Variants in AREL1 observed in about 807,000 individuals in gnomAD.
The protein encoded by AREL1 is apoptosis-resistant E3 ubiquitin protein ligase 1.
A neutral mutation model predicts 99.0 loss-of-function variants in AREL1; 62 were observed. The ratio of observed to expected loss-of-function variants is 0.63; its 90% CI spans 0.51 to 0.77. The LOEUF (loss-of-function observed/expected upper bound fraction) is 0.77, where lower values mean the gene tolerates loss of function less well. Among genes scored for constraint, AREL1 ranks in the 30% least tolerant of loss-of-function variants. The probability of loss-of-function intolerance (pLI) is 0.00; values close to 1 mark genes in which losing one functional copy is unlikely to be tolerated. For missense variants in AREL1, 879 were observed against 1,027.6 expected (o/e 0.86, Z 1.98); for synonymous variants, 380 against 376.5 (o/e 1.01, Z -0.11).
chr14:74,683,122 G>A (rs764434381), intron 5 of AREL1, among the ~76,000 whole-genome samples, 174 bp downstream of exon 5: 1 of 152,054 alleles, frequency 6.6e-6, no homozygotes, highest in Non-Finnish European at 1.5e-5. Flanking sequence ...CTCTAAAATC[G>A]ACTGTGATGA....
intron 3 of AREL1, among the ~76,000 whole-genome samples, chr14:74,684,991 G>A (rs2089717382): frequency 1.3e-5 from 2 of 152,210 alleles, no homozygotes; most frequent in Non-Finnish European, 2.9e-5. Flanking sequence ...TGGCAGAGTT[G>A]AGTCATTGAA....
chr14:74,705,227 C>CG (rs1039780610), intron 1 of AREL1, among the ~76,000 whole-genome samples: 33 of 152,064 alleles, frequency 2.2e-4, no homozygotes, highest in Non-Finnish European at 7.4e-5. Context: ...TTAGTAGAGA[C>CG]GGGGTTTCTC....
chr14:74,672,710 G>C, intron 11 of AREL1, 121 bp downstream of exon 11: 1 of 1,383,826 alleles, frequency 7.2e-7, no homozygotes, highest in Non-Finnish European at 9.9e-7. Flanking sequence ...ACCCCAGCCT[G>C]GGCAATAGAG....
Position 74,676,616 on chromosome 14 carries a change from T to C in AREL1, c.618A>G (p.Arg206=), listed in dbSNP as rs750437436. The change falls in exon 6 of 20, where the codon AGA becomes AGG. Residue 206 remains arginine, a synonymous_variant. Coordinates refer to ENST00000356357, the MANE Select transcript of AREL1 (RefSeq NM_001039479.2). ...TGGACAAGGTGTAATTGTGCTCATC[T>C]CTCAAGGACATGGAATTGTTGGTGG... is the stretch of plus-strand genomic sequence containing the variant. ...DNPTNNSMSL[R]DEHNYTLSIH... The C allele has an allele frequency of 1.2e-5, 19 of 1,613,872 alleles. No individual in the cohort carries two copies. The Admixed American group carries it at 3.2e-4, about 27-fold the overall frequency.
Position 74,667,570 on chromosome 14 carries a change from C to T in AREL1, c.1939G>A (p.Ala647Thr), listed in dbSNP as rs574658343. The change falls in exon 16 of 20, where the codon GCT becomes ACT. Residue 647 changes from alanine to threonine, a missense_variant. Ala to Thr is a moderately conservative substitution (Grantham distance 58). Coordinates refer to ENST00000356357, the MANE Select transcript of AREL1 (RefSeq NM_001039479.2). Reference sequence around the variant, plus strand: ...TTCGCATTGGTGACTGGAGTTTGAGCTCCACCTGTCATGAGTTCTACAACC... The same window carrying T: ...TTCGCATTGGTGACTGGAGTTTGAGTTCCACCTGTCATGAGTTCTACAACC... ...DKVVELMTGGAQTPVTNANKI... is the reference protein window; with the variant it reads ...DKVVELMTGGTQTPVTNANKI... 6.2e-7 allele frequency: 1 copy of T among 1,613,184 alleles called. No individual in the cohort carries two copies. Among genetic ancestry groups the T allele is most frequent in the South Asian group, 1.1e-5 (1 of 90,874 alleles).
At position 74,677,791 on chromosome 14, in the gene AREL1, G is replaced by A. The variant is rs537099452; in HGVS notation, c.482-1039C>T. Among the ~76,000 whole-genome samples the A allele has an allele frequency of 2.1e-3, 323 of 150,332 alleles. 1 individual carries two copies. The highest frequency in any genetic ancestry group is 4.0e-3 in the Non-Finnish European group (270 of 67,688). On this transcript the variant is annotated intron_variant, in intron 5 of 19. Transcript: ENST00000356357. ...GCTGGAATTACAGGCGTAAGCCACGGTGCCCAGCTAACCCTGTCTCTTTAT... is the reference window on the plus strand; with the variant it reads ...GCTGGAATTACAGGCGTAAGCCACGATGCCCAGCTAACCCTGTCTCTTTAT...
chr14:74,698,520 A>G (rs1353060004), intron 1 of AREL1, among the ~76,000 whole-genome samples: 3 of 152,162 alleles, frequency 2.0e-5, no homozygotes, highest in Admixed American at 1.3e-4. Flanking sequence ...TTTGCTATAT[A>G]CTGGGCTACG....
rs1266563381 is a variant in AREL1, at chr14:74,667,185, G to A, written c.2103+134C>T. Reference sequence around the variant, plus strand: ...GGCTGAAGGGTCAATGAATGGAGGAGCGACAAAAGTGAAACCACCTCTTGC... The same window carrying A: ...GGCTGAAGGGTCAATGAATGGAGGAACGACAAAAGTGAAACCACCTCTTGC... On this transcript the variant is annotated intron_variant, in intron 17 of 19. Transcript: ENST00000356357. 2.0e-4 allele frequency: 194 copies of A among 960,388 alleles called. 1 individual carries two copies. Among genetic ancestry groups the A allele is most frequent in the Non-Finnish European group, 2.2e-5 (14 of 632,918 alleles). The allele number at this position is 960,388 out of a possible 1,614,324, so 59.5% of individuals were successfully genotyped here.
intron 9 of AREL1, 46 bp from the exon 10 acceptor site, chr14:74,673,264 C>T (rs777810408): frequency 3.1e-6 from 5 of 1,600,986 alleles, no homozygotes; most frequent in East Asian, 2.2e-5. Flanking sequence ...CCCTCAAGGC[C>T]AGTAAAAGTC....
chr14:74,669,068 T>G (rs1394780012), intron 15 of AREL1, among the ~76,000 whole-genome samples: 2 of 152,152 alleles, frequency 1.3e-5, no homozygotes, highest in African/African-American at 4.8e-5. Context: ...GCTAGATTTT[T>G]AAAATCTAAA....
At chr14:74,688,018 AC>A (rs2089784822) in intron 2 of AREL1, among the ~76,000 whole-genome samples, 1 of 137,372 alleles carries the variant, frequency 7.3e-6, no homozygotes, top group Non-Finnish European at 1.6e-5. Context: ...CTGAGTACTT[AC>A]TTTTTTTTTT....
At chr14:74,664,135 G>A in intron 18 of AREL1, 61 bp from the exon 19 acceptor site, 2 of 1,550,402 alleles carry the variant, frequency 1.3e-6, no homozygotes, top group Non-Finnish European at 1.7e-6. Flanking sequence ...TTAGATCCCT[G>A]GGGAAGGAAC....
chr14:74,687,248 CCAAATG>C (rs2089768653), intron 2 of AREL1, among the ~76,000 whole-genome samples: 1 of 152,100 alleles, frequency 6.6e-6, no homozygotes, highest in South Asian at 2.1e-4. Flanking sequence ...AAAAGCAGTG[CCAAATG>C]TATGGCTTGA....
At chr14:74,665,052 A>G in intron 17 of AREL1, 127 bp from the exon 18 acceptor site, 2 of 664,788 alleles carry the variant, frequency 3.0e-6, no homozygotes, top group Non-Finnish European at 5.1e-6. Flanking sequence ...ACAGAAGGTG[A>G]GGTCATAATG....
intron 5 of AREL1, among the ~76,000 whole-genome samples, chr14:74,677,035 C>G (rs910206698): frequency 2.6e-5 from 4 of 151,850 alleles, no homozygotes; most frequent in Non-Finnish European, 4.4e-5. Context: ...TCCTGACCTC[C>G]TGATCCGCCC....
chr14:74,699,782 G>A (rs1332384322), intron 1 of AREL1, among the ~76,000 whole-genome samples: 1 of 152,216 alleles, frequency 6.6e-6, no homozygotes, highest in East Asian at 1.9e-4. Flanking sequence ...GTGAGGACTT[G>A]CTGTAAATTT....
intron 3 of AREL1, among the ~76,000 whole-genome samples, chr14:74,685,326 G>T (rs562505416): frequency 6.6e-6 from 1 of 152,090 alleles, no homozygotes; most frequent in South Asian, 2.1e-4. Flanking sequence ...CTCCTTGACC[G>T]TTCCCCTTTA....
In AREL1 at chr14:74,663,537, A is replaced by G; in HGVS notation, c.*183T>C. On this transcript the variant is annotated 3_prime_UTR_variant, in exon 20 of 20. Transcript: ENST00000356357. ...CATGCCAAAGTGGCCTGTGGTAGAT[A>G]TGGGCAGGGAGCAGGTGAGGTAAAG... 4.7e-6 allele frequency: 3 copies of G among 644,290 alleles called. No homozygotes were observed. The East Asian group carries it at 8.4e-5, about 18-fold the overall frequency. The allele number at this position is 644,290 out of a possible 1,614,324, so 39.9% of individuals were successfully genotyped here. A position where few individuals can be genotyped will look rare whatever the true frequency, so the allele number is the denominator to read the frequency against.
chr14:74,705,995 CAA>C (rs1382264041), intron 1 of AREL1, among the ~76,000 whole-genome samples: 1 of 152,148 alleles, frequency 6.6e-6, no homozygotes, highest in Admixed American at 6.6e-5. Flanking sequence ...GGGAGAAAAA[CAA>C]AAGAGAAAAC....
Sources: gnomAD v4.1 joint callset for allele counts (sites outside exome capture counted in the v4.1 genomes callset) on GRCh38, gnomAD v4.1.1 for gene constraint, MANE v1.5 for transcripts, NCBI Gene and HGNC (gene_info 2026-07-23, HGNC 2026-07-21) for gene names.